The following GABRA3 variants were observed in gnomAD, a reference collection of about 807,000 sequenced individuals.
The protein encoded by GABRA3 is gamma-aminobutyric acid type A receptor subunit alpha3.
In GABRA3, 10 loss-of-function variants were observed where a neutral mutation model predicts 30.1. The observed-to-expected ratio is 0.33, with a 90% CI of 0.20 to 0.56. GABRA3 has a LOEUF of 0.56. Ranked by LOEUF, GABRA3 falls within the 20% of genes least tolerant of loss-of-function variation. The probability of loss-of-function intolerance (pLI) is 0.89; values close to 1 mark genes in which losing one functional copy is unlikely to be tolerated. For missense variants in GABRA3, 233 were observed against 392.0 expected (o/e 0.59, Z 3.42); for synonymous variants, 151 against 146.8 (o/e 1.03, Z -0.21).
At chrX:152,192,928 TG>T (rs772919692) in intron 8 of GABRA3, among the ~76,000 whole-genome samples, 2 of 112,300 alleles carry the variant, frequency 1.8e-5, no homozygotes, top group African/African-American at 6.5e-5. Context: ...AACCCCCTTT[TG>T]GTCTTAACTG....
intron 6 of GABRA3, among the ~76,000 whole-genome samples, chrX:152,216,756 T>G (rs1021850551): frequency 9.1e-6 from 1 of 109,649 alleles, no homozygotes; most frequent in Non-Finnish European, 1.9e-5. Context: ...TGCAGAAGAC[T>G]GATTATATTT....
chrX:152,332,483 G>A (rs946168529), intron 3 of GABRA3, among the ~76,000 whole-genome samples: 2 of 112,500 alleles, frequency 1.8e-5, no homozygotes, highest in Non-Finnish European at 3.7e-5. Context: ...TTAGGTGGAA[G>A]AAAGGGAAGA....
At chrX:152,325,526 C>G (rs1940040057) in intron 3 of GABRA3, among the ~76,000 whole-genome samples, 1 of 111,925 alleles carries the variant, frequency 8.9e-6, no homozygotes. Flanking sequence ...GCAGCAACAT[C>G]TGCTGTTCTG....
intron 3 of GABRA3, among the ~76,000 whole-genome samples, chrX:152,330,316 A>G (rs1190149066): frequency 1.8e-5 from 2 of 111,975 alleles, no homozygotes; most frequent in Non-Finnish European, 3.8e-5. Flanking sequence ...CTAGAACTAG[A>G]AATACCATTT....
At chrX:152,367,991 C>T (rs1928701792) in intron 1 of GABRA3, among the ~76,000 whole-genome samples, 1 of 111,964 alleles carries the variant, frequency 8.9e-6, no homozygotes, top group African/African-American at 3.2e-5. Context: ...CTTGTCATCT[C>T]TTGTCAAGAT....
chrX:152,308,428 C>T (rs896597243), intron 3 of GABRA3, among the ~76,000 whole-genome samples: 13 of 112,176 alleles, frequency 1.2e-4, no homozygotes, highest in African/African-American at 4.2e-4. Context: ...AGGAACATCT[C>T]AGCCCCTCCA....
At chrX:152,351,165 T>C (rs1349739318) in intron 2 of GABRA3, among the ~76,000 whole-genome samples, 2 of 111,954 alleles carry the variant, frequency 1.8e-5, no homozygotes, top group African/African-American at 6.5e-5. Flanking sequence ...AGCTTAAAGT[T>C]ACCAGCTGCA....
At chrX:152,352,491 G>A (rs1008517015) in intron 2 of GABRA3, among the ~76,000 whole-genome samples, 1 of 111,309 alleles carries the variant, frequency 9.0e-6, no homozygotes, top group African/African-American at 3.3e-5. Flanking sequence ...CAATGAAGCT[G>A]TCAAACTCAT....
At chrX:152,319,201 A>G (rs932350426) in intron 3 of GABRA3, among the ~76,000 whole-genome samples, 1 of 111,723 alleles carries the variant, frequency 9.0e-6, no homozygotes, top group African/African-American at 3.3e-5. Context: ...TACCACCACC[A>G]TTCTTCACAG....
At chrX:152,332,589 T>C (rs1357797939) in intron 3 of GABRA3, among the ~76,000 whole-genome samples, 1 of 111,532 alleles carries the variant, frequency 9.0e-6, no homozygotes, top group Non-Finnish European at 1.9e-5. Flanking sequence ...ATCTCGACCC[T>C]TTTTTTTACA....
intron 3 of GABRA3, among the ~76,000 whole-genome samples, chrX:152,324,369 C>A (rs1461035909): frequency 1.8e-5 from 2 of 111,750 alleles, no homozygotes; most frequent in Non-Finnish European, 3.8e-5. Context: ...CATGGATTCA[C>A]TAAAAACAAA....
intron 3 of GABRA3, among the ~76,000 whole-genome samples, chrX:152,328,691 A>G (rs1243782759): frequency 9.0e-6 from 1 of 111,644 alleles, no homozygotes; most frequent in Non-Finnish European, 1.9e-5. Flanking sequence ...GTATTGATGG[A>G]ATGTATCTCA....
chrX:152,445,055 C>T (rs770699028), intron 1 of GABRA3, among the ~76,000 whole-genome samples: 6 of 41,539 alleles, frequency 1.4e-4, no homozygotes, highest in Admixed American at 3.5e-4. Flanking sequence ...AGTGAGACTC[C>T]GTCTCAAAAA....
At chrX:152,412,903 G>A (rs1237117219) in intron 1 of GABRA3, among the ~76,000 whole-genome samples, 2 of 109,802 alleles carry the variant, frequency 1.8e-5, no homozygotes, top group African/African-American at 3.3e-5. Context: ...CATAATGGGC[G>A]TTTCAGAGGA....
intron 4 of GABRA3, among the ~76,000 whole-genome samples, chrX:152,278,172 A>T (rs763820974): frequency 4.3e-4 from 48 of 111,076 alleles, no homozygotes; most frequent in African/African-American, 1.6e-3. Context: ...GGTTTGTTAC[A>T]TATGTATACA....
chrX:152,425,261 C>T (rs762592198), intron 1 of GABRA3, among the ~76,000 whole-genome samples: 1 of 110,659 alleles, frequency 9.0e-6, no homozygotes, highest in Non-Finnish European at 1.9e-5. Context: ...AACAATATCA[C>T]ACTTGTATAT....
At chrX:152,231,256 T>A (rs1263866626) in intron 5 of GABRA3, among the ~76,000 whole-genome samples, 2 of 102,423 alleles carry the variant, frequency 2.0e-5, no homozygotes, top group Non-Finnish European at 4.1e-5. Context: ...CATACACGTA[T>A]ATGTATATAT....
intron 8 of GABRA3, among the ~76,000 whole-genome samples, chrX:152,191,409 T>A (rs771293948): frequency 4.7e-4 from 52 of 109,984 alleles, no homozygotes; most frequent in African/African-American, 1.7e-3. Flanking sequence ...CATCTATGAA[T>A]ATTCCCTACT....
At chrX:152,402,381 G>A (rs184809361) in intron 1 of GABRA3, among the ~76,000 whole-genome samples, 2 of 112,109 alleles carry the variant, frequency 1.8e-5, no homozygotes, top group East Asian at 2.8e-4. Context: ...GATTGTCTGT[G>A]TGATGTAATC....
Sources: allele counts gnomAD v4.1 joint callset (sites outside exome capture counted in the v4.1 genomes callset), GRCh38; gene constraint gnomAD v4.1.1; transcripts MANE v1.5; gene names NCBI Gene and HGNC (gene_info 2026-07-23, HGNC 2026-07-21).